The following DPH6 variants were observed in gnomAD, a reference collection of about 807,000 sequenced individuals.
The protein encoded by DPH6 is diphthamine biosynthesis 6, also known as diphthine--ammonia ligase.
In DPH6, 33 loss-of-function variants were observed where a neutral mutation model predicts 38.2. The observed-to-expected ratio is 0.86, with a 90% CI of 0.65 to 1.15. DPH6 has a LOEUF of 1.15. Among genes scored for constraint, DPH6 ranks in the 50% most tolerant of loss-of-function variants. DPH6 has a pLI of 0.00. For synonymous variants in DPH6, 108 were observed against 103.0 expected, an observed-to-expected ratio of 1.05 and a Z score of -0.30; for missense variants, 325 against 320.0, an observed-to-expected ratio of 1.02 and a Z score of -0.12.
chr15:35,251,477 C>T (rs963708003), intron 3 of DPH6, among the ~76,000 whole-genome samples: 16 of 152,172 alleles, frequency 1.1e-4, no homozygotes, highest in African/African-American at 3.6e-4. Context: ...TCATGCACAA[C>T]AATTCTCTGC....
At position 35,483,870 on chromosome 15, in the gene DPH6, C is replaced by G. The variant is rs962342190; in HGVS notation, c.313-29050G>C. Among the ~76,000 whole-genome samples, 19 of 152,266 alleles carry G rather than the reference C, an allele frequency of 1.2e-4. 1 individual carries two copies. The South Asian group carries it at 3.9e-3, about 32-fold the overall frequency. On this transcript the variant is annotated intron_variant, in intron 3 of 8. Transcript: ENST00000256538. ...TTCAGCAATAAAAAGAAATGAAGTACTGATGTGTACAACGTGAATGAACCT... is the reference window on the plus strand; with the variant it reads ...TTCAGCAATAAAAAGAAATGAAGTAGTGATGTGTACAACGTGAATGAACCT...
At chr15:35,172,323 G>A in the DPH6 span, among the ~76,000 whole-genome samples, 6 of 152,112 alleles carry the variant, frequency 3.9e-5, no homozygotes, top group Non-Finnish European at 8.8e-5. Context: ...ATACGCTACC[G>A]ACAAGCAATC....
intron 3 of DPH6, among the ~76,000 whole-genome samples, chr15:35,292,077 AAGG>A (rs1455476759): frequency 2.0e-5 from 3 of 152,108 alleles, no homozygotes; most frequent in Admixed American, 1.3e-4. Flanking sequence ...TGAGCCCTAA[AAGG>A]AGAAGTAGTG....
chr15:35,414,055 A>G (rs574326888), intron 5 of DPH6, among the ~76,000 whole-genome samples: 10 of 151,728 alleles, frequency 6.6e-5, no homozygotes, highest in African/African-American at 2.4e-4. Context: ...CATCATTACT[A>G]TTATTATTGT....
At chr15:35,497,850 T>C (rs1206270205) in intron 3 of DPH6, among the ~76,000 whole-genome samples, 3 of 152,184 alleles carry the variant, frequency 2.0e-5, no homozygotes, top group African/African-American at 7.2e-5. Flanking sequence ...CTACTAACAT[T>C]ATCCAATAGT....
chr15:35,290,467 A>G (rs1368740739), intron 3 of DPH6, among the ~76,000 whole-genome samples: 1 of 152,192 alleles, frequency 6.6e-6, no homozygotes, highest in East Asian at 1.9e-4. Context: ...CCATTAATGA[A>G]AGAACATGTC....
intron 3 of DPH6, among the ~76,000 whole-genome samples, chr15:35,456,751 G>T (rs1168173508): frequency 1.3e-5 from 2 of 152,034 alleles, no homozygotes; most frequent in African/African-American, 4.8e-5. Flanking sequence ...CTCCCAAAGT[G>T]CTGGGATTAC....
intron 3 of DPH6, among the ~76,000 whole-genome samples, chr15:35,337,045 G>A (rs1471735497): frequency 6.6e-6 from 1 of 152,074 alleles, no homozygotes; most frequent in African/African-American, 2.4e-5. Context: ...TTGTACCTCT[G>A]GCAGAATTCG....
chr15:35,189,981 T>G, the DPH6 span, among the ~76,000 whole-genome samples: 1 of 152,316 alleles, frequency 6.6e-6, no homozygotes, highest in South Asian at 2.1e-4. Context: ...CCAGGTGTGG[T>G]TACATTTCTG....
chr15:35,495,498 C>A (rs1449796306), intron 3 of DPH6, among the ~76,000 whole-genome samples: 1 of 152,050 alleles, frequency 6.6e-6, no homozygotes, highest in Non-Finnish European at 1.5e-5. Context: ...CATACCGGCA[C>A]TAGCATCAAA....
In DPH6 at chr15:35,530,487, G is replaced by C. The variant is rs532446134; in HGVS notation, c.312+7787C>G. On this transcript the variant is annotated intron_variant, in intron 3 of 8. Transcript: ENST00000256538. The stretch of plus-strand genomic sequence containing the variant: ...ATAGTTTGTAGAAGAAAGGAATATA[G>C]GATATAAAAATAAGTCAGTTGATAA... Among the ~76,000 whole-genome samples the C allele has an allele frequency of 2.6e-5, 4 of 152,208 alleles. No individual in the cohort carries two copies. In the East Asian group the frequency reaches 7.7e-4, roughly 29 times the overall value.
rs901442032 is a variant in DPH6, at chr15:35,459,736, C to T, written c.313-4916G>A. On this transcript the variant is annotated intron_variant, in intron 3 of 8. Transcript: ENST00000256538. Reference sequence around the variant, plus strand: ...GGAAGGAAAACCCAGTGAAGACGTTCGAAAAGAGTGGTCATAATGACAGAA... The same window carrying T: ...GGAAGGAAAACCCAGTGAAGACGTTTGAAAAGAGTGGTCATAATGACAGAA... 5.9e-5 allele frequency among the ~76,000 whole-genome samples: 9 copies of T among 151,904 alleles called. No individual in the cohort carries two copies. In the South Asian group the frequency reaches 1.2e-3, roughly 21 times the overall value.
chr15:35,342,099 G>A (rs1351294469), intron 3 of DPH6, among the ~76,000 whole-genome samples: 1 of 152,190 alleles, frequency 6.6e-6, no homozygotes, highest in Admixed American at 6.5e-5. Flanking sequence ...CTTGTGAGGT[G>A]CTGTGGAAGT....
chr15:35,333,422 G>A (rs945441899), intron 3 of DPH6, among the ~76,000 whole-genome samples: 1 of 152,064 alleles, frequency 6.6e-6, no homozygotes, highest in African/African-American at 2.4e-5. Flanking sequence ...AAGTAAAAAA[G>A]CATCAATTAA....
intron 3 of DPH6, among the ~76,000 whole-genome samples, chr15:35,246,423 T>C (rs771097145): frequency 1.3e-5 from 2 of 152,198 alleles, no homozygotes; most frequent in Non-Finnish European, 2.9e-5. Flanking sequence ...AAATGATAAT[T>C]TGGATATTTA....
At chr15:35,421,564 ATTT>A in intron 5 of DPH6, among the ~76,000 whole-genome samples, 1 of 152,286 alleles carries the variant, frequency 6.6e-6, no homozygotes, top group African/African-American at 2.4e-5. Flanking sequence ...AACACAGAGA[ATTT>A]TTTTAAAAGA....
At chr15:35,320,170 A>T (rs1260241765) in intron 3 of DPH6, among the ~76,000 whole-genome samples, 1 of 152,078 alleles carries the variant, frequency 6.6e-6, no homozygotes, top group African/African-American at 2.4e-5. Flanking sequence ...AATATTAAGT[A>T]AAATAATTCT....
At chr15:35,232,209 A>G (rs914442083) in intron 3 of DPH6, among the ~76,000 whole-genome samples, 3 of 152,196 alleles carry the variant, frequency 2.0e-5, no homozygotes, top group African/African-American at 7.2e-5. Context: ...AGAGTAGGTC[A>G]AGTGTTGGAA....
chr15:35,489,934 A>G (rs924554117), intron 3 of DPH6: 1 of 977,184 alleles, frequency 1.0e-6, no homozygotes, highest in Non-Finnish European at 1.2e-6. Flanking sequence ...AAAAGTATCA[A>G]AAAGAAACTA....
Sources: gnomAD v4.1 joint callset for allele counts (sites outside exome capture counted in the v4.1 genomes callset) on GRCh38, gnomAD v4.1.1 for gene constraint, MANE v1.5 for transcripts, NCBI Gene and HGNC (gene_info 2026-07-23, HGNC 2026-07-21) for gene names.